LMNB1: variants seen among roughly 807,000 people sequenced by gnomAD.
LMNB1 encodes lamin B1.
A neutral mutation model predicts 67.1 loss-of-function variants in LMNB1; 23 were observed. That is an observed-to-expected ratio of 0.34 (90% confidence interval 0.25 to 0.49). LMNB1 has a LOEUF of 0.49. Ranked by LOEUF, LMNB1 falls within the 20% of genes least tolerant of loss-of-function variation. LMNB1 has a pLI of 0.99. For missense variants in LMNB1, 634 were observed against 746.5 expected, an observed-to-expected ratio of 0.85 and a Z score of 1.76; for synonymous variants, 281 against 282.9, an observed-to-expected ratio of 0.99 and a Z score of 0.07.
At chr5:126,779,064 G>A (rs567755123) in intron 1 of LMNB1, among the ~76,000 whole-genome samples, 2 of 152,254 alleles carry the variant, frequency 1.3e-5, no homozygotes, top group Non-Finnish European at 2.9e-5. Flanking sequence ...GAAATTTCTG[G>A]AGGTACCTTA....
Position 126,784,769 on chromosome 5 carries a change from C to T in LMNB1, c.359+6902C>T, listed in dbSNP as rs986828038. On this transcript the variant is annotated intron_variant, in intron 1 of 10. Transcript: ENST00000261366. ...CTCCCGGGTTCACGCCATTCTCCTGCCTCACTCAGCCTCCTGAGTAACTGG... is the reference window on the plus strand; with the variant it reads ...CTCCCGGGTTCACGCCATTCTCCTGTCTCACTCAGCCTCCTGAGTAACTGG... Among the ~76,000 whole-genome samples, 10 of 151,452 alleles carry T rather than the reference C, an allele frequency of 6.6e-5. No homozygotes were observed. The South Asian group carries it at 1.5e-3, about 22-fold the overall frequency.
At chr5:126,803,647 A>G (rs954004666) in intron 1 of LMNB1, among the ~76,000 whole-genome samples, 1 of 152,082 alleles carries the variant, frequency 6.6e-6, no homozygotes, top group Non-Finnish European at 1.5e-5. Flanking sequence ...CCTGAGTTCA[A>G]GTGATTCTCC....
chr5:126,834,467 A>G (rs575149114), intron 10 of LMNB1, among the ~76,000 whole-genome samples: 16 of 152,332 alleles, frequency 1.1e-4, no homozygotes, highest in Non-Finnish European at 1.9e-4. Flanking sequence ...GCCCTTTGTA[A>G]CATTCTCTTA....
At chr5:126,798,276 C>T (rs923908965) in intron 1 of LMNB1, among the ~76,000 whole-genome samples, 1 of 152,066 alleles carries the variant, frequency 6.6e-6, no homozygotes, top group Non-Finnish European at 1.5e-5. Flanking sequence ...GGTGAAACCC[C>T]GTCTCTACTA....
chr5:126,821,962 C>A (rs1239876441), intron 7 of LMNB1, among the ~76,000 whole-genome samples: 1 of 151,398 alleles, frequency 6.6e-6, no homozygotes, highest in Non-Finnish European at 1.5e-5. Context: ...CACTAATGAG[C>A]ACCAACAGTT....
At chr5:126,792,803 C>T (rs935464620) in intron 1 of LMNB1, among the ~76,000 whole-genome samples, 1 of 151,518 alleles carries the variant, frequency 6.6e-6, no homozygotes, top group African/African-American at 2.4e-5. Context: ...CTCAAACTCC[C>T]GACCTCAGGT....
At chr5:126,785,271 C>T (rs1422292913) in intron 1 of LMNB1, among the ~76,000 whole-genome samples, 1 of 150,912 alleles carries the variant, frequency 6.6e-6, no homozygotes, top group Non-Finnish European at 1.5e-5. Context: ...CAGGTGTGAG[C>T]CACGGTGCCC....
rs71665643 is a variant in LMNB1 at position 126,798,762 on chromosome 5, A to AGTGTGTGTGTGTGTGT, written c.360-6006_360-5991dup. On this transcript the variant is annotated intron_variant, in intron 1 of 10. Transcript: ENST00000261366. ...ATTTTACATAGGATGAAAAAAGAGAAGTGTGTGTGTGTGTGTGTGTGTGCG... is the reference window on the plus strand; with the variant it reads ...ATTTTACATAGGATGAAAAAAGAGAAGTGTGTGTGTGTGTGTGTGTGTGTGTGTGTGTGTGTGTGCG... Among the ~76,000 whole-genome samples the AGTGTGTGTGTGTGTGT allele has an allele frequency of 2.6e-3, 390 of 149,178 alleles. 3 individuals are homozygous for AGTGTGTGTGTGTGTGT. The highest frequency in any genetic ancestry group is 6.9e-3 in the Middle Eastern group (2 of 288).
At chr5:126,816,393 ACT>A (rs1393524137) in intron 5 of LMNB1, among the ~76,000 whole-genome samples, 1 of 151,974 alleles carries the variant, frequency 6.6e-6, no homozygotes, top group Non-Finnish European at 1.5e-5. Context: ...GTTTACAGTG[ACT>A]CTTGATTATT....
At chr5:126,798,128 C>T (rs1751153812) in intron 1 of LMNB1, among the ~76,000 whole-genome samples, 3 of 136,846 alleles carry the variant, frequency 2.2e-5, no homozygotes, top group African/African-American at 5.5e-5. Flanking sequence ...AGAGCGAGAC[C>T]GTCTCAAAAC....
At chr5:126,781,911 C>G (rs1361255013) in intron 1 of LMNB1, among the ~76,000 whole-genome samples, 1 of 152,170 alleles carries the variant, frequency 6.6e-6, no homozygotes, top group African/African-American at 2.4e-5. Context: ...AATGCTTGGT[C>G]TAAAGAGAAT....
chr5:126,830,846 A>AT (rs1390293121), intron 9 of LMNB1, among the ~76,000 whole-genome samples: 1 of 152,226 alleles, frequency 6.6e-6, no homozygotes. Context: ...TTTCTGCTTT[A>AT]TATGCTGCTA....
At chr5:126,789,820 C>T (rs114030209) in intron 1 of LMNB1, among the ~76,000 whole-genome samples, 2,061 of 152,120 alleles carry the variant, frequency 0.014, 40 homozygotes, top group African/African-American at 0.047. Context: ...ACTACAGGCA[C>T]CTACCAACGA....
In LMNB1 at chr5:126,836,975, ATTTC is replaced by A; in HGVS notation, c.*714_*717del. ...TTTTAAGATAGTGTAACTTGCTTAA[ATTTC>A]TTATGTGACATTAACAAATAAAAAA... is the stretch of plus-strand genomic sequence containing the variant. On this transcript the variant is annotated 3_prime_UTR_variant, in exon 11 of 11. Coordinates refer to ENST00000261366, the MANE Select transcript of LMNB1 (RefSeq NM_005573.4). 1 of 398,210 alleles carries A rather than the reference ATTTC, an allele frequency of 2.5e-6. No individual in the cohort carries two copies. The highest frequency in any genetic ancestry group is 4.4e-6 in the Non-Finnish European group (1 of 225,856). The allele number at this position is 398,210 out of a possible 1,614,324, so 24.7% of individuals were successfully genotyped here.
rs186962458 is a variant in LMNB1, at chr5:126,807,671, T to C, written c.642+1975T>C. Among the ~76,000 whole-genome samples the C allele has an allele frequency of 2.0e-5, 3 of 152,378 alleles. No individual in the cohort carries two copies. The East Asian group carries it at 5.8e-4, about 29-fold the overall frequency. On this transcript the variant is annotated intron_variant, in intron 3 of 10. Transcript: ENST00000261366. ...GTTTTGTAAAAATTGTGATTTATCA[T>C]TACTTATTTCTGATGTTGTGTGTAG...
At chr5:126,826,812 C>G (rs1020638160) in intron 9 of LMNB1, among the ~76,000 whole-genome samples, 4 of 152,230 alleles carry the variant, frequency 2.6e-5, no homozygotes, top group Non-Finnish European at 4.4e-5. Context: ...TACCACGCAT[C>G]ACTGAGCCTC....
At chr5:126,819,705 C>G (rs980708801) in intron 6 of LMNB1, among the ~76,000 whole-genome samples, 1 of 151,768 alleles carries the variant, frequency 6.6e-6, no homozygotes, top group Admixed American at 6.6e-5. Context: ...CCAGGCTGGT[C>G]TCAAACTCCT....
chr5:126,787,596 G>T (rs1365163588), intron 1 of LMNB1, among the ~76,000 whole-genome samples: 1 of 127,018 alleles, frequency 7.9e-6, no homozygotes, highest in East Asian at 2.2e-4. Context: ...TGTTGCCCAG[G>T]CTGGAGTGCA....
chr5:126,777,476 G>C lies in LMNB1; in HGVS notation c.-33G>C, dbSNP rs1447791499. The C allele has an allele frequency of 1.8e-5, 23 of 1,299,704 alleles. No homozygotes were observed. Among genetic ancestry groups the C allele is most frequent in the East Asian group, 3.2e-5 (1 of 31,334 alleles). 80.5% of individuals were successfully genotyped at this position (1,299,704 alleles called of 1,614,324 possible). A position where few individuals can be genotyped will look rare whatever the true frequency, so the allele number is the denominator to read the frequency against. ...CCCTCCTTATCACGGTCCCGCTCGC[G>C]GCCTCGCCGCCCCGCTGTCTCCGCC... is the stretch of plus-strand genomic sequence containing the variant. On this transcript the variant is annotated 5_prime_UTR_variant, in exon 1 of 11. Transcript: ENST00000261366.
Sources: allele counts gnomAD v4.1 joint callset (sites outside exome capture counted in the v4.1 genomes callset), GRCh38; gene constraint gnomAD v4.1.1; transcripts MANE v1.5; gene names NCBI Gene and HGNC (gene_info 2026-07-23, HGNC 2026-07-21).